USP36: variants seen among roughly 807,000 people sequenced by gnomAD.
The protein encoded by USP36 is ubiquitin carboxyl-terminal hydrolase 36.
USP36 carries 59 observed loss-of-function variants against 111.5 expected under a neutral mutation model. The observed-to-expected ratio is 0.53, with a 90% CI of 0.43 to 0.66. The LOEUF is 0.66. Ranked by LOEUF, USP36 falls within the 30% of genes least tolerant of loss-of-function variation. The pLI, the probability that USP36 is intolerant of heterozygous loss-of-function variation, is 0.00. For missense variants in USP36, 1,488 were observed against 1,468.0 expected (o/e 1.01, Z -0.22); for synonymous variants, 628 against 581.0 (o/e 1.08, Z -1.16).
chr17:78,813,048 C>G, intron 12 of USP36, 47 bp from the exon 13 acceptor site: 1 of 1,609,702 alleles, frequency 6.2e-7, no homozygotes, highest in South Asian at 1.1e-5. Context: ...CTAGGCATTA[C>G]AGAAACGGAG....
In USP36 at chr17:78,838,696, C is replaced by G. The variant is rs1468315863; in HGVS notation, c.-119G>C. 6.6e-6 allele frequency: 1 copy of G among 152,178 alleles called. No individual in the cohort carries two copies. The highest frequency in any genetic ancestry group is 1.5e-5 in the Non-Finnish European group (1 of 68,044). 9.4% of individuals were successfully genotyped at this position (152,178 alleles called of 1,614,324 possible). On this transcript the variant is annotated 5_prime_UTR_variant, in exon 2 of 21. Coordinates refer to ENST00000449938, the MANE Select transcript of USP36 (RefSeq NM_001385174.1). ...GCTACGCGGAGCTCCTGAATGTAAG[C>G]GCTCCTGGACTGTGGCCTGTTCAAA...
At position 78,837,761 on chromosome 17, in the gene USP36, A is replaced by T. The variant is rs371566707; in HGVS notation, c.-10+826T>A. Among the ~76,000 whole-genome samples the T allele has an allele frequency of 4.1e-4, 62 of 152,338 alleles. No individual in the cohort carries two copies. In the South Asian group the frequency reaches 7.0e-3, roughly 17 times the overall value. The stretch of plus-strand genomic sequence containing the variant: ...AAAATGATGACTTCCTCTGGTATTC[A>T]GTACCCAGCCTGCCCTCAGAGAATC... On this transcript the variant is annotated intron_variant, in intron 2 of 20. Transcript: ENST00000449938.
Position 78,802,345 on chromosome 17 carries a change from A to G in USP36, c.3001T>C (p.Trp1001Arg). Residue 1001 changes from tryptophan (W) to arginine (R), a missense_variant, in exon 17 of 21, where the codon TGG becomes CGG. By Grantham distance (101) the Trp-to-Arg change is moderately radical. Transcript: ENST00000449938. ...ATACCCATGCGGTCCCCAGGACACC[A>G]GCCATTCGCGGATGGTGCGCAGCTG... ...SSSCAPSANG[W>R]CPGDRMGLSQ... 6.3e-7 allele frequency: 1 copy of G among 1,584,706 alleles called. No individual in the cohort carries two copies. Among genetic ancestry groups the G allele is most frequent in the Non-Finnish European group, 8.6e-7 (1 of 1,165,242 alleles).
At chr17:78,799,278 G>A (rs2093683847) in intron 18 of USP36, among the ~76,000 whole-genome samples, 1 of 152,172 alleles carries the variant, frequency 6.6e-6, no homozygotes, top group Non-Finnish European at 1.5e-5. Flanking sequence ...CTAAACCCAT[G>A]CCCTCGTCTG....
Position 78,827,303 on chromosome 17 carries a change from C to G in USP36, c.631G>C (p.Glu211Gln). 1.2e-6 allele frequency: 2 copies of G among 1,613,900 alleles called. No individual in the cohort carries two copies. The highest frequency in any genetic ancestry group is 8.5e-7 in the Non-Finnish European group (1 of 1,179,844). The change falls in exon 6 of 21, where the codon GAG becomes CAG. Residue 211 changes from glutamate (E) to glutamine (Q), a missense_variant. Glu to Gln is a conservative substitution (Grantham distance 29). This residue lies in a region of USP36 where 196 missense variants were observed against 264.4 expected (regional missense o/e 0.74). Transcript: ENST00000449938. ...FRFGNQEDAH[E>Q]FLRYTIDAMQ... Reference sequence around the variant, plus strand: ...GCGTCGATGGTGTACCGCAGGAACTCATGCGCGTCCTCCTGGTTCCCAAAG... The same window carrying G: ...GCGTCGATGGTGTACCGCAGGAACTGATGCGCGTCCTCCTGGTTCCCAAAG...
intron 10 of USP36, 25 bp downstream of exon 10, chr17:78,818,642 C>T (rs2094244251): frequency 6.2e-7 from 1 of 1,606,600 alleles, no homozygotes; most frequent in African/African-American, 1.3e-5. Context: ...ACGGAGCTGC[C>T]TGGGATGGTG....
chr17:78,791,129 C>CTT (rs10522788), downstream of USP36, among the ~76,000 whole-genome samples: 89 of 121,210 alleles, frequency 7.3e-4, no homozygotes, highest in East Asian at 5.4e-3. Context: ...ATCTGGCCTT[C>CTT]TTTTTTTTTT....
Position 78,802,276 on chromosome 17 carries a change from C to T in USP36, c.3022+48G>A, listed in dbSNP as rs762926146. On this transcript the variant is annotated intron_variant, in intron 17 of 20. Coordinates refer to ENST00000449938, the MANE Select transcript of USP36 (RefSeq NM_001385174.1). ...ACACCCATGCGGTCCCCCAACCCCT[C>T]GCCCGGTGCACACCCATGCGGTTCC... The T allele has an allele frequency of 6.3e-5, 94 of 1,500,252 alleles. 3 individuals carry two copies. The African/African-American group carries it at 1.1e-3, about 17-fold the overall frequency. 92.9% of individuals were successfully genotyped at this position (1,500,252 alleles called of 1,614,324 possible).
chr17:78,829,947 G>T (rs1003669008), intron 4 of USP36, among the ~76,000 whole-genome samples: 1 of 152,098 alleles, frequency 6.6e-6, no homozygotes, highest in Admixed American at 6.6e-5. Flanking sequence ...CACCATGCTG[G>T]CCAGGCTGGT....
intron 5 of USP36, among the ~76,000 whole-genome samples, chr17:78,828,445 C>A (rs1016777248): frequency 6.6e-6 from 1 of 152,150 alleles, no homozygotes; most frequent in African/African-American, 2.4e-5. Flanking sequence ...CCAGCTCTCC[C>A]TCAGGCCCAC....
intron 3 of USP36, among the ~76,000 whole-genome samples, chr17:78,790,457 AT>A (rs989845820): frequency 1.8e-4 from 27 of 151,456 alleles, no homozygotes; most frequent in Non-Finnish European, 3.5e-4. Context: ...GGCCCGGCTA[AT>A]TTTTTTTTAT....
chr17:78,836,650 A>T (rs2068701733), intron 2 of USP36, among the ~76,000 whole-genome samples: 1 of 152,176 alleles, frequency 6.6e-6, no homozygotes, highest in Non-Finnish European at 1.5e-5. Context: ...AGCCCCTGCC[A>T]TGTGCATCTC....
Position 78,807,557 on chromosome 17 carries a change from A to G in USP36, c.1487T>C (p.Leu496Pro). ...GVPISRNGST[L>P]GLKSQNGCIP... ...GCAGCCGTTCTGGGACTTCAGGCCCAGGGTGGAGCCATTCCTGGATATGGG... is the reference window on the plus strand; with the variant it reads ...GCAGCCGTTCTGGGACTTCAGGCCCGGGGTGGAGCCATTCCTGGATATGGG... The change falls in exon 14 of 21, where the codon CTG becomes CCG. Residue 496 changes from leucine (L) to proline (P), a missense_variant. By Grantham distance (98) the Leu-to-Pro change is moderately conservative. Coordinates refer to ENST00000449938, the MANE Select transcript of USP36 (RefSeq NM_001385174.1). The G allele has an allele frequency of 6.2e-7, 1 of 1,610,386 alleles. No individual in the cohort carries two copies. Among genetic ancestry groups the G allele is most frequent in the South Asian group, 1.1e-5 (1 of 90,536 alleles).
chr17:78,825,434 A>T (rs2067448090), intron 6 of USP36, among the ~76,000 whole-genome samples: 1 of 151,984 alleles, frequency 6.6e-6, no homozygotes, highest in African/African-American at 2.4e-5. Context: ...TCCACATTTC[A>T]CTACAGACCA....
chr17:78,835,599 AG>A (rs2145648927), intron 3 of USP36, 98 bp from the exon 4 acceptor site: 1 of 1,155,528 alleles, frequency 8.7e-7, no homozygotes, highest in South Asian at 1.5e-5. Flanking sequence ...CTTAGCATGC[AG>A]TGACTCGGAA....
In USP36 at chr17:78,814,359, A is replaced by G. The variant is rs566864371; in HGVS notation, c.1164+53T>C. On this transcript the variant is annotated intron_variant, in intron 11 of 20. Coordinates refer to ENST00000449938, the MANE Select transcript of USP36 (RefSeq NM_001385174.1). ...CTACAGAGGCCGCATCTGGATGTGC[A>G]TGGGTGCTGAAACCTGTCCCAGGAG... The G allele has an allele frequency of 5.0e-6, 8 of 1,605,778 alleles. No individual in the cohort carries two copies. The African/African-American group carries it at 6.7e-5, about 13-fold the overall frequency.
chr17:78,830,839 T>C (rs2068017201), intron 4 of USP36, among the ~76,000 whole-genome samples: 1 of 151,898 alleles, frequency 6.6e-6, no homozygotes, highest in Non-Finnish European at 1.5e-5. Context: ...GACTTCTGCT[T>C]GCCTTTTCTA....
At position 78,798,831 on chromosome 17, in the gene USP36, C is replaced by T. The variant is rs2093674747; in HGVS notation, c.3240+77G>A. 2 of 1,552,710 alleles carry T rather than the reference C, an allele frequency of 1.3e-6. No individual in the cohort carries two copies. The highest frequency in any genetic ancestry group is 2.7e-5 in the African/African-American group (2 of 73,996). On this transcript the variant is annotated intron_variant, in intron 19 of 20. Coordinates refer to ENST00000449938, the MANE Select transcript of USP36 (RefSeq NM_001385174.1). The surrounding 1 kb of genome is among the most constrained non-coding windows in gnomAD (Gnocchi z 5.1). ...CGGCCGCTTCATGCCACTGCCGCCA[C>T]CTCCAACTGCCCCGGCTCTGAGCTG... is the stretch of plus-strand genomic sequence containing the variant.
chr17:78,834,917 A>G (rs2068505041), intron 4 of USP36, among the ~76,000 whole-genome samples: 1 of 151,792 alleles, frequency 6.6e-6, no homozygotes, highest in Non-Finnish European at 1.5e-5. Context: ...GGAGTTCAAG[A>G]CTACAACGAG....
Sources: allele counts gnomAD v4.1 joint callset (sites outside exome capture counted in the v4.1 genomes callset), GRCh38; gene constraint gnomAD v4.1.1; regional missense constraint gnomAD v4.1.1; non-coding constraint Gnocchi (gnomAD v3.1); transcripts MANE v1.5; gene names NCBI Gene and HGNC (gene_info 2026-07-23, HGNC 2026-07-21).